The following CLVS1 variants were observed in gnomAD, a reference collection of about 807,000 sequenced individuals.
The protein encoded by CLVS1 is clavesin-1.
CLVS1 carries 10 observed loss-of-function variants against 33.1 expected under a neutral mutation model. The observed-to-expected ratio is 0.30, with a 90% confidence interval of 0.19 to 0.51. The LOEUF is 0.51. CLVS1 is among the 20% of genes least tolerant of loss of function. The pLI, the probability that CLVS1 is intolerant of heterozygous loss-of-function variation, is 0.97. For missense variants in CLVS1, 343 were observed against 433.4 expected, an observed-to-expected ratio of 0.79 and a Z score of 1.85; for synonymous variants, 163 against 166.1, an observed-to-expected ratio of 0.98 and a Z score of 0.14.
the CLVS1 span, among the ~76,000 whole-genome samples, chr8:61,019,086 T>G: frequency 6.6e-6 from 1 of 152,224 alleles, no homozygotes; most frequent in Non-Finnish European, 1.5e-5. Context: ...ATAACTAGGC[T>G]CCTTCTAGCA....
chr8:61,045,576 C>T, the CLVS1 span, among the ~76,000 whole-genome samples: 2 of 152,188 alleles, frequency 1.3e-5, no homozygotes, highest in South Asian at 2.1e-4. Context: ...GGATGAGGGA[C>T]TACTTTAGAA....
At chr8:61,345,907 G>A (rs1416410971) in intron 2 of CLVS1, among the ~76,000 whole-genome samples, 1 of 151,930 alleles carries the variant, frequency 6.6e-6, no homozygotes, top group Non-Finnish European at 1.5e-5. Context: ...TGACTTGTGG[G>A]GACAGATATT....
intron 2 of CLVS1, among the ~76,000 whole-genome samples, chr8:61,303,606 G>C (rs888583991): frequency 6.6e-6 from 1 of 152,198 alleles, no homozygotes; most frequent in African/African-American, 2.4e-5. Flanking sequence ...TAATAAAAAG[G>C]TTGTAATGAC....
intron 2 of CLVS1, among the ~76,000 whole-genome samples, chr8:61,216,584 C>A (rs1018472719): frequency 6.6e-6 from 1 of 152,186 alleles, no homozygotes; most frequent in Admixed American, 6.5e-5. Flanking sequence ...AGATTTATTT[C>A]ATTACCTTGG....
intron 2 of CLVS1, among the ~76,000 whole-genome samples, chr8:61,167,333 C>T (rs1463584035): frequency 1.3e-5 from 2 of 151,928 alleles, no homozygotes; most frequent in Non-Finnish European, 2.9e-5. Flanking sequence ...TAGGTGCCAC[C>T]AGGCTCGGAT....
At chr8:61,406,899 G>A (rs575025476) in intron 3 of CLVS1, among the ~76,000 whole-genome samples, 4 of 152,216 alleles carry the variant, frequency 2.6e-5, no homozygotes, top group South Asian at 2.1e-4. Flanking sequence ...GCGAGCTGCC[G>A]CGCCAGGCCG....
the CLVS1 span, among the ~76,000 whole-genome samples, chr8:61,040,503 T>A: frequency 6.6e-6 from 1 of 152,246 alleles, no homozygotes; most frequent in South Asian, 2.1e-4. Flanking sequence ...GCCTCTGTTA[T>A]TTTTTATCAT....
chr8:60,996,617 T>G, the CLVS1 span, among the ~76,000 whole-genome samples: 1 of 152,186 alleles, frequency 6.6e-6, no homozygotes, highest in African/African-American at 2.4e-5. Context: ...TCTATTCTCT[T>G]TCTTCTTGTT....
At chr8:61,117,240 G>A (rs1805746897) in intron 1 of CLVS1, among the ~76,000 whole-genome samples, 3 of 103,950 alleles carry the variant, frequency 2.9e-5, no homozygotes, top group African/African-American at 1.2e-4. Context: ...AGACTTTGCT[G>A]AAGTTGCTTA....
chr8:61,055,121 G>A (rs12548301), upstream of CLVS1, among the ~76,000 whole-genome samples: 72,114 of 152,050 alleles, frequency 0.47, 17,718 homozygotes, highest in African/African-American at 0.6. Context: ...TTCATTAAAT[G>A]AAGTGCCACA....
chr8:61,114,721 C>T (rs910331699), intron 1 of CLVS1, among the ~76,000 whole-genome samples: 6 of 152,182 alleles, frequency 3.9e-5, no homozygotes, highest in African/African-American at 1.4e-4. Flanking sequence ...TATTAAATAT[C>T]TTATAAACAT....
intron 5 of CLVS1, among the ~76,000 whole-genome samples, chr8:61,468,648 C>T (rs1817634372): frequency 6.7e-6 from 1 of 149,452 alleles, no homozygotes; most frequent in African/African-American, 2.5e-5. Context: ...AGGCCCCTCC[C>T]TGGTGCAAAA....
intron 2 of CLVS1, among the ~76,000 whole-genome samples, chr8:61,132,896 A>T (rs1409325400): frequency 6.6e-6 from 1 of 152,172 alleles, no homozygotes; most frequent in Non-Finnish European, 1.5e-5. Context: ...GGGATGAGGT[A>T]CCATCATTGC....
At chr8:60,995,354 CA>C in the CLVS1 span, among the ~76,000 whole-genome samples, 3 of 152,040 alleles carry the variant, frequency 2.0e-5, no homozygotes, top group Non-Finnish European at 4.4e-5. Flanking sequence ...GGGCGAAGGA[CA>C]TGAACAGACA....
chr8:61,029,953 T>A, the CLVS1 span, among the ~76,000 whole-genome samples: 1 of 152,196 alleles, frequency 6.6e-6, no homozygotes, highest in Admixed American at 6.5e-5. Flanking sequence ...CCTACAGCCA[T>A]CCCTTATGTA....
At chr8:61,008,458 G>T in the CLVS1 span, among the ~76,000 whole-genome samples, 1 of 147,724 alleles carries the variant, frequency 6.8e-6, no homozygotes, top group African/African-American at 2.6e-5. Flanking sequence ...AAGAATTGGG[G>T]ATTTACTTTT....
intron 2 of CLVS1, among the ~76,000 whole-genome samples, chr8:61,261,248 T>C (rs1428290060): frequency 1.3e-5 from 2 of 152,220 alleles, no homozygotes; most frequent in African/African-American, 2.4e-5. Context: ...TTGTAAATGC[T>C]GTCATTTGTT....
chr8:61,248,430 C>G (rs1040780005), intron 2 of CLVS1, among the ~76,000 whole-genome samples: 1 of 151,904 alleles, frequency 6.6e-6, no homozygotes, highest in East Asian at 1.9e-4. Context: ...GCCTGGGATG[C>G]TTTTCCATTT....
At chr8:61,259,926 C>A (rs977634505) in intron 2 of CLVS1, among the ~76,000 whole-genome samples, 1 of 152,230 alleles carries the variant, frequency 6.6e-6, no homozygotes, top group African/African-American at 2.4e-5. Context: ...TGCAGCACCA[C>A]CTTACATTTC....
Sources: gnomAD v4.1 joint callset for allele counts (sites outside exome capture counted in the v4.1 genomes callset) on GRCh38, gnomAD v4.1.1 for gene constraint, MANE v1.5 for transcripts, NCBI Gene and HGNC (gene_info 2026-07-23, HGNC 2026-07-21) for gene names.